Variants in PDCD6 observed in about 807,000 individuals in gnomAD.
The protein encoded by PDCD6 is programmed cell death 6.
PDCD6 carries 12 observed loss-of-function variants against 28.3 expected under a neutral mutation model. The ratio of observed to expected loss-of-function variants is 0.42; its 90% CI spans 0.27 to 0.69. The LOEUF is 0.69. Ranked by LOEUF, PDCD6 falls within the 30% of genes least tolerant of loss-of-function variation. PDCD6 has a pLI of 0.22. For missense variants in PDCD6, 226 were observed against 269.9 expected (o/e 0.84, Z 1.14); for synonymous variants, 92 against 108.0 (o/e 0.85, Z 0.92).
chr5:290,803 G>A (rs1328320227), intron 2 of PDCD6, among the ~76,000 whole-genome samples: 3 of 152,224 alleles, frequency 2.0e-5, no homozygotes, highest in Admixed American at 6.5e-5. Context: ...ATCTCTGACC[G>A]TGTCTTGAGG....
chr5:302,998 G>A lies in PDCD6; in HGVS notation c.164-1179G>A, dbSNP rs572279722. 9.8e-5 allele frequency among the ~76,000 whole-genome samples: 15 copies of A among 152,328 alleles called. 1 individual carries two copies. The South Asian group carries it at 1.0e-3, about 11-fold the overall frequency. On this transcript the variant is annotated intron_variant, in intron 2 of 5. Transcript: ENST00000264933. ...AGGGGAAGTTGGGAGGTGCTCAGGC[G>A]GAGCAAATGGATTTAACTTCTGGGC...
At chr5:276,859 T>C in intron 2 of PDCD6, 1 of 985,356 alleles carries the variant, frequency 1.0e-6, no homozygotes, top group Non-Finnish European at 1.2e-6. Flanking sequence ...AAATTACTGC[T>C]CTCAGGGAGG....
intron 2 of PDCD6, among the ~76,000 whole-genome samples, chr5:283,418 C>T (rs1738716799): frequency 6.6e-6 from 1 of 152,126 alleles, no homozygotes; most frequent in Non-Finnish European, 1.5e-5. Flanking sequence ...CAGAGAGGAG[C>T]TGATGTTCTA....
chr5:293,999 C>T (rs775994445), intron 2 of PDCD6, among the ~76,000 whole-genome samples: 5 of 143,334 alleles, frequency 3.5e-5, no homozygotes, highest in Admixed American at 3.5e-4. Context: ...CAAACGCCCG[C>T]GATACTGTCA....
At chr5:289,356 A>G (rs1303170207) in intron 2 of PDCD6, 1 of 568,164 alleles carries the variant, frequency 1.8e-6, no homozygotes, top group Non-Finnish European at 3.2e-6. Flanking sequence ...AGCAATGAAT[A>G]CAAGAATTTG....
At chr5:299,775 T>G (rs969513895) in intron 2 of PDCD6, among the ~76,000 whole-genome samples, 1 of 152,210 alleles carries the variant, frequency 6.6e-6, no homozygotes, top group African/African-American at 2.4e-5. Context: ...GGTCTCGATC[T>G]CCTCACCTGG....
intron 2 of PDCD6, chr5:273,141 T>C (rs1240875099): frequency 1.3e-5 from 3 of 232,164 alleles, no homozygotes; most frequent in Non-Finnish European, 2.7e-5. Context: ...CTTCTCTGAA[T>C]AGACCTTCGA....
At chr5:298,249 C>T (rs1359025278) in intron 2 of PDCD6, among the ~76,000 whole-genome samples, 8 of 152,150 alleles carry the variant, frequency 5.3e-5, no homozygotes, top group Admixed American at 4.6e-4. Context: ...GGAACATTTC[C>T]TCTTGGGCTT....
chr5:276,793 T>C (rs1738224671), intron 2 of PDCD6: 1 of 985,232 alleles, frequency 1.0e-6, no homozygotes, highest in Non-Finnish European at 1.2e-6. Flanking sequence ...GAGAAGGTAT[T>C]TGTGGCCCAT....
At chr5:275,525 G>T (rs149022816) in intron 2 of PDCD6, among the ~76,000 whole-genome samples, 3 of 152,338 alleles carry the variant, frequency 2.0e-5, no homozygotes, top group Admixed American at 6.5e-5. Flanking sequence ...AGTCAGGTTG[G>T]TGGCTCACCA....
At position 271,841 on chromosome 5, in the gene PDCD6, G is replaced by A. The variant is rs1349141244; in HGVS notation, c.101+20G>A. ...CCAGAGGTGCGGCCTGGCACCGCCC[G>A]GGCACCTCCCGCCTCCGCCGCGGCG... On this transcript the variant is annotated intron_variant, in intron 1 of 5. Transcript: ENST00000264933. 2 of 1,330,770 alleles carry A rather than the reference G, an allele frequency of 1.5e-6. No individual in the cohort carries two copies. Among genetic ancestry groups the A allele is most frequent in the South Asian group, 1.7e-5 (1 of 60,012 alleles). 82.4% of individuals were successfully genotyped at this position (1,330,770 alleles called of 1,614,324 possible). A position where few individuals can be genotyped will look rare whatever the true frequency, so the allele number is the denominator to read the frequency against.
rs1282659657 is a variant in PDCD6, at chr5:307,644, T to TCTAATCCATG, written c.367+886_367+895dup. ...AGGCTGTTGGTGGCTGCACCGAGATTCTAATCCATGCGGATCTCATCTGGC... is the reference window on the plus strand; with the variant it reads ...AGGCTGTTGGTGGCTGCACCGAGATTCTAATCCATGCTAATCCATGCGGATCTCATCTGGC... On this transcript the variant is annotated intron_variant, in intron 4 of 5. Coordinates refer to ENST00000264933, the MANE Select transcript of PDCD6 (RefSeq NM_013232.4). The surrounding 1 kb of genome is among the most constrained non-coding windows in gnomAD (Gnocchi z 6.1). Among the ~76,000 whole-genome samples the TCTAATCCATG allele has an allele frequency of 6.6e-6, 1 of 152,176 alleles. No individual in the cohort carries two copies. The highest frequency in any genetic ancestry group is 2.4e-5 in the African/African-American group (1 of 41,444).
In PDCD6 at chr5:285,964, C is replaced by G. The variant is rs118098242; in HGVS notation, c.163+13192C>G. On this transcript the variant is annotated intron_variant, in intron 2 of 5. Transcript: ENST00000264933. ...TGAGACCCGGCGGGTAGCTGATGTT[C>G]CAGTTTGAGGGCCGTGCAGCTGGAG... Among the ~76,000 whole-genome samples, 939 of 149,220 alleles carry G rather than the reference C, an allele frequency of 6.3e-3. 29 individuals are homozygous for G. Among genetic ancestry groups the G allele is most frequent in the Admixed American group, 0.053 (792 of 15,020 alleles).
At chr5:300,583 T>C (rs1739991100) in intron 2 of PDCD6, among the ~76,000 whole-genome samples, 1 of 152,238 alleles carries the variant, frequency 6.6e-6, no homozygotes, top group South Asian at 2.1e-4. Flanking sequence ...GCACAGCATC[T>C]ACTTAGGTTT....
chr5:311,489 G>T (rs1312574588), intron 5 of PDCD6, 87 bp downstream of exon 5: 23 of 842,202 alleles, frequency 2.7e-5, no homozygotes, highest in Non-Finnish European at 4.2e-5. Context: ...AATCTAAGGA[G>T]CTGGGCATGT....
At chr5:301,429 A>C (rs758485026) in intron 2 of PDCD6, among the ~76,000 whole-genome samples, 1 of 152,192 alleles carries the variant, frequency 6.6e-6, no homozygotes, top group Non-Finnish European at 1.5e-5. Context: ...TCTGTAGCCT[A>C]TCTTTGCTTT....
chr5:303,425 A>T (rs1259516877), intron 2 of PDCD6, among the ~76,000 whole-genome samples: 1 of 151,770 alleles, frequency 6.6e-6, no homozygotes, highest in African/African-American at 2.4e-5. Flanking sequence ...GGTACAAATC[A>T]CTCTGAAGAT....
At chr5:272,530 C>A (rs970257644) in intron 1 of PDCD6, among the ~76,000 whole-genome samples, 181 bp from the exon 2 acceptor site, 25 of 143,528 alleles carry the variant, frequency 1.7e-4, no homozygotes, top group Admixed American at 2.7e-4. Context: ...TAGGGGAAGA[C>A]CACACTGGAC....
chr5:311,641 C>A (rs932020533), intron 5 of PDCD6: 2 of 497,424 alleles, frequency 4.0e-6, no homozygotes, highest in African/African-American at 2.0e-5. Context: ...TTTCAGTATC[C>A]GGTGGGTTAT....
Sources: gnomAD v4.1 joint callset for allele counts (sites outside exome capture counted in the v4.1 genomes callset) on GRCh38, gnomAD v4.1.1 for gene constraint, Gnocchi (gnomAD v3.1) non-coding constraint, MANE v1.5 for transcripts, NCBI Gene and HGNC (gene_info 2026-07-23, HGNC 2026-07-21) for gene names.